FNTA: variants seen among roughly 807,000 people sequenced by gnomAD.
FNTA encodes farnesyltransferase, CAAX box, subunit alpha.
In FNTA, 27 loss-of-function variants were observed where a neutral mutation model predicts 55.2. The ratio of observed to expected loss-of-function variants is 0.49; its 90% CI spans 0.36 to 0.67. The LOEUF is 0.67. Among genes scored for constraint, FNTA ranks in the 30% least tolerant of loss-of-function variants. The pLI, the probability that FNTA is intolerant of heterozygous loss-of-function variation, is 0.00. For missense variants in FNTA, 422 were observed against 464.7 expected (o/e 0.91, Z 0.85); for synonymous variants, 176 against 170.7 (o/e 1.03, Z -0.24).
At chr8:43,063,512 T>C (rs1810584996) in intron 2 of FNTA, among the ~76,000 whole-genome samples, 1 of 138,222 alleles carries the variant, frequency 7.2e-6, no homozygotes, top group Admixed American at 7.1e-5. Flanking sequence ...CTATCTTTAA[T>C]AATGTACGAG....
chr8:43,080,310 C>G (rs1218678082), intron 6 of FNTA: 1 of 152,264 alleles, frequency 6.6e-6, no homozygotes, highest in Non-Finnish European at 1.5e-5. Flanking sequence ...CTTCAGCACC[C>G]AGCACCCTAC....
intron 6 of FNTA, chr8:43,078,330 T>A (rs951336222): frequency 1.3e-5 from 2 of 151,774 alleles, no homozygotes; most frequent in African/African-American, 2.4e-5. Flanking sequence ...GTATATATTA[T>A]GTTTTTTTTT....
At chr8:43,083,710 A>G (rs1385091746) in intron 7 of FNTA, among the ~76,000 whole-genome samples, 1 of 152,178 alleles carries the variant, frequency 6.6e-6, no homozygotes, top group African/African-American at 2.4e-5. Flanking sequence ...GGAACCAGTT[A>G]CCCTTGGAGA....
Position 43,069,672 on chromosome 8 carries a change from T to TCTAG in FNTA, c.506+16_506+19dup. ...ACTATCAAGTTTGGTAAGTTTGGAG[T>TCTAG]CTAGCTGTGTCTCCCAGGCTGGAGT... is the stretch of plus-strand genomic sequence containing the variant. On this transcript the variant is annotated intron_variant, in intron 4 of 8. Coordinates refer to ENST00000302279, the MANE Select transcript of FNTA (RefSeq NM_002027.3). The TCTAG allele has an allele frequency of 6.6e-7, 1 of 1,522,204 alleles. No individual in the cohort carries two copies. Among genetic ancestry groups the TCTAG allele is most frequent in the Non-Finnish European group, 9.1e-7 (1 of 1,098,204 alleles). 94.3% of individuals were successfully genotyped at this position (1,522,204 alleles called of 1,614,324 possible). A position where few individuals can be genotyped will look rare whatever the true frequency, so the allele number is the denominator to read the frequency against.
chr8:43,071,353 A>G (rs924207278), intron 4 of FNTA, among the ~76,000 whole-genome samples: 19 of 152,146 alleles, frequency 1.2e-4, no homozygotes, highest in African/African-American at 3.6e-4. Flanking sequence ...AACCCAATAT[A>G]AAATCCTTAA....
chr8:43,058,233 A>G (rs1250301870), intron 1 of FNTA, among the ~76,000 whole-genome samples: 2 of 152,178 alleles, frequency 1.3e-5, no homozygotes, highest in African/African-American at 2.4e-5. Flanking sequence ...TGAGGCCCCA[A>G]TAAGTAACTT....
intron 5 of FNTA, among the ~76,000 whole-genome samples, chr8:43,075,852 G>T (rs1403745835): frequency 6.6e-6 from 1 of 151,484 alleles, no homozygotes; most frequent in East Asian, 1.9e-4. Flanking sequence ...TTGTCCAATT[G>T]TGTATATTTC....
chr8:43,083,542 A>T (rs1811065278), intron 7 of FNTA, among the ~76,000 whole-genome samples: 1 of 152,244 alleles, frequency 6.6e-6, no homozygotes, highest in African/African-American at 2.4e-5. Context: ...GCCAGTGGGC[A>T]GCCAACCTTT....
intron 6 of FNTA, 175 bp downstream of exon 6, chr8:43,077,539 C>T (rs535703819): frequency 2.5e-6 from 1 of 401,518 alleles, no homozygotes; most frequent in East Asian, 3.6e-5. Context: ...ACTTCTACTT[C>T]ATTGTATCTT....
At chr8:43,060,943 G>A (rs970045516) in intron 2 of FNTA, among the ~76,000 whole-genome samples, 1 of 152,058 alleles carries the variant, frequency 6.6e-6, no homozygotes, top group Admixed American at 6.6e-5. Flanking sequence ...TGGACAAAGG[G>A]TATGAACTGG....
chr8:43,059,691 TGTTA>T (rs776422351), intron 2 of FNTA, among the ~76,000 whole-genome samples: 9 of 152,320 alleles, frequency 5.9e-5, no homozygotes, highest in South Asian at 2.1e-4. Flanking sequence ...AAATGTTAAT[TGTTA>T]GTTCTTCTAG....
intron 1 of FNTA, among the ~76,000 whole-genome samples, chr8:43,058,051 G>A (rs1810451551): frequency 6.6e-6 from 1 of 151,904 alleles, no homozygotes; most frequent in Non-Finnish European, 1.5e-5. Flanking sequence ...AGAAATTTCT[G>A]TAAGCACTCA....
intron 3 of FNTA, among the ~76,000 whole-genome samples, chr8:43,065,233 G>A (rs1345215049): frequency 6.6e-6 from 1 of 151,538 alleles, no homozygotes; most frequent in Non-Finnish European, 1.5e-5. Context: ...TGTTCATGCT[G>A]ACACACTTTT....
At chr8:43,069,200 C>G (rs1412859633) in intron 3 of FNTA, among the ~76,000 whole-genome samples, 1 of 151,970 alleles carries the variant, frequency 6.6e-6, no homozygotes, top group Non-Finnish European at 1.5e-5. Flanking sequence ...ATTGCAACCT[C>G]TGCCTCCTGG....
chr8:43,073,305 A>G (rs573647011), intron 5 of FNTA, among the ~76,000 whole-genome samples: 2 of 152,368 alleles, frequency 1.3e-5, no homozygotes, highest in South Asian at 4.1e-4. Flanking sequence ...TCCACAATAG[A>G]TTAAGACATA....
chr8:43,056,392 C>G lies in FNTA; in HGVS notation c.46C>G (p.Pro16Ala). 1 of 1,496,456 alleles carries G rather than the reference C, an allele frequency of 6.7e-7. No individual in the cohort carries two copies. Among genetic ancestry groups the G allele is most frequent in the South Asian group, 1.3e-5 (1 of 78,642 alleles). 92.7% of individuals were successfully genotyped at this position (1,496,456 alleles called of 1,614,324 possible). ...CGGGGAGGCTGCGCAAGGGGGCGAGCCCGGGCAGCCGGCGCAACCCCCGCC... is the reference window on the plus strand; with the variant it reads ...CGGGGAGGCTGCGCAAGGGGGCGAGGCCGGGCAGCCGGCGCAACCCCCGCC... The part of the protein sequence containing the change: ...GVGEAAQGGE[P>A]GQPAQPPPQP... Residue 16 changes from proline (P) to alanine (A), a missense_variant, in exon 1 of 9, where the codon CCC (proline) becomes GCC (alanine). By Grantham distance (27) the Pro-to-Ala change is conservative. This residue lies in a region of FNTA where 160 missense variants were observed against 121.6 expected (regional missense o/e 1.32). Coordinates refer to ENST00000302279, the MANE Select transcript of FNTA (RefSeq NM_002027.3).
At chr8:43,056,977 C>T (rs1369459377) in intron 1 of FNTA, 2 of 152,234 alleles carry the variant, frequency 1.3e-5, no homozygotes, top group African/African-American at 4.8e-5. Context: ...ATTTGCTCAC[C>T]CTAAAAACGA....
chr8:43,074,793 A>G (rs754545418), intron 5 of FNTA, among the ~76,000 whole-genome samples: 6 of 152,148 alleles, frequency 3.9e-5, no homozygotes, highest in Admixed American at 1.3e-4. Flanking sequence ...AGCATGAGGT[A>G]GTTTCTGTGT....
chr8:43,085,110 C>T lies in FNTA; in HGVS notation c.1018-50C>T, dbSNP rs368459511. ...AATTGTATTGGCTCAAAGGCATTTG[C>T]GCTTGAAATTGAATTACATATTACT... is the stretch of plus-strand genomic sequence containing the variant. On this transcript the variant is annotated intron_variant, in intron 8 of 8. Transcript: ENST00000302279. 2.9e-5 allele frequency: 42 copies of T among 1,427,218 alleles called. No homozygotes were observed. The African/African-American group carries it at 4.3e-4, about 15-fold the overall frequency. 88.4% of individuals were successfully genotyped at this position (1,427,218 alleles called of 1,614,324 possible).
Sources: gnomAD v4.1 joint callset for allele counts (sites outside exome capture counted in the v4.1 genomes callset) on GRCh38, gnomAD v4.1.1 for gene constraint, gnomAD v4.1.1 regional missense constraint, MANE v1.5 for transcripts, NCBI Gene and HGNC (gene_info 2026-07-23, HGNC 2026-07-21) for gene names.